BCKDHB: variants seen among roughly 807,000 people sequenced by gnomAD.
BCKDHB encodes 2-oxoisovalerate dehydrogenase subunit beta, mitochondrial.
In BCKDHB, 41 loss-of-function variants were observed where a neutral mutation model predicts 48.5. That is an observed-to-expected ratio of 0.85 (90% CI 0.66 to 1.10). The LOEUF (loss-of-function observed/expected upper bound fraction) is 1.10. Ranked by LOEUF, BCKDHB falls within the 50% of genes least tolerant of loss-of-function variation. The pLI is 0.00. For missense variants in BCKDHB, 496 were observed against 494.2 expected (o/e 1.00, Z -0.03); for synonymous variants, 201 against 174.8 (o/e 1.15, Z -1.18).
At chr6:80,377,157 C>T in the BCKDHB span, among the ~76,000 whole-genome samples, 1 of 151,746 alleles carries the variant, frequency 6.6e-6, no homozygotes, top group Non-Finnish European at 1.5e-5. Context: ...TCTCCCACCT[C>T]AGTCTTTCAA....
the BCKDHB span, among the ~76,000 whole-genome samples, chr6:80,457,382 C>G: frequency 6.6e-6 from 1 of 152,166 alleles, no homozygotes; most frequent in Non-Finnish European, 1.5e-5. Context: ...TCCCCTGCAG[C>G]TATTGCTTGA....
chr6:80,138,936 C>CT (rs1353573018), intron 3 of BCKDHB, among the ~76,000 whole-genome samples: 3 of 152,132 alleles, frequency 2.0e-5, no homozygotes, highest in African/African-American at 7.2e-5. Context: ...AAAAGTGTTC[C>CT]TATTTCTCCA....
At chr6:80,139,524 C>T (rs1298923330) in intron 3 of BCKDHB, among the ~76,000 whole-genome samples, 2 of 150,262 alleles carry the variant, frequency 1.3e-5, no homozygotes, top group South Asian at 2.1e-4. Flanking sequence ...CTACATATGG[C>T]TAGCCAGTTT....
intron 8 of BCKDHB, among the ~76,000 whole-genome samples, chr6:80,224,218 C>T (rs1341238716): frequency 6.6e-6 from 1 of 152,106 alleles, no homozygotes; most frequent in African/African-American, 2.4e-5. Flanking sequence ...CTCTAATGCT[C>T]CTTCCTTCCC....
the BCKDHB span, among the ~76,000 whole-genome samples, chr6:80,375,403 G>A: frequency 1.3e-5 from 2 of 152,024 alleles, no homozygotes; most frequent in African/African-American, 4.8e-5. Context: ...CCTTGTCTTT[G>A]AGCTCTTAAA....
chr6:80,355,015 TTG>T, the BCKDHB span, among the ~76,000 whole-genome samples: 1 of 152,214 alleles, frequency 6.6e-6, no homozygotes. Context: ...AGTTTTAGAA[TTG>T]TTTTTTCTAA....
intron 3 of BCKDHB, among the ~76,000 whole-genome samples, chr6:80,139,855 C>G (rs1771098049): frequency 6.6e-6 from 1 of 152,120 alleles, no homozygotes; most frequent in African/African-American, 2.4e-5. Context: ...TCATTGGTAG[C>G]TTGATGGGGA....
intron 8 of BCKDHB, among the ~76,000 whole-genome samples, chr6:80,233,255 T>G (rs74648629): frequency 0.037 from 5,609 of 152,238 alleles, 332 homozygotes; most frequent in African/African-American, 0.13. Flanking sequence ...TATTCAAAGG[T>G]TTGGATTTCT....
the BCKDHB span, among the ~76,000 whole-genome samples, chr6:80,385,535 C>T: frequency 6.6e-6 from 1 of 152,184 alleles, no homozygotes; most frequent in Non-Finnish European, 1.5e-5. Context: ...ATCCCCTCCC[C>T]AGCCCATGAT....
intron 7 of BCKDHB, among the ~76,000 whole-genome samples, chr6:80,201,783 A>G (rs1463708206): frequency 1.3e-5 from 2 of 151,952 alleles, no homozygotes; most frequent in African/African-American, 4.8e-5. Context: ...TATCTCTTCT[A>G]CTTTTCTCTC....
At chr6:80,114,007 C>T (rs1484361133) in intron 1 of BCKDHB, among the ~76,000 whole-genome samples, 2 of 152,116 alleles carry the variant, frequency 1.3e-5, no homozygotes, top group Admixed American at 6.5e-5. Context: ...GGGAGGGGAT[C>T]AATCAAAGGT....
chr6:80,186,076 G>A (rs745496132), intron 6 of BCKDHB, among the ~76,000 whole-genome samples: 1 of 152,146 alleles, frequency 6.6e-6, no homozygotes, highest in African/African-American at 2.4e-5. Context: ...GCCAGCTGTG[G>A]TAGTAGAAGG....
At chr6:80,132,075 A>G (rs1361187644) in intron 3 of BCKDHB, among the ~76,000 whole-genome samples, 2 of 151,982 alleles carry the variant, frequency 1.3e-5, no homozygotes, top group South Asian at 2.1e-4. Context: ...TTTTATTAAA[A>G]CTAATGTTGA....
chr6:80,209,742 A>G (rs138167229), intron 8 of BCKDHB, among the ~76,000 whole-genome samples: 39 of 152,188 alleles, frequency 2.6e-4, no homozygotes, highest in African/African-American at 8.4e-4. Flanking sequence ...GAATATGTTC[A>G]TGTGATCTTG....
chr6:80,288,532 T>C (rs1436108106), intron 9 of BCKDHB, among the ~76,000 whole-genome samples: 2 of 152,024 alleles, frequency 1.3e-5, no homozygotes, highest in Non-Finnish European at 2.9e-5. Flanking sequence ...CAAATAAATA[T>C]GACATTAAAT....
intron 3 of BCKDHB, among the ~76,000 whole-genome samples, chr6:80,150,609 T>C (rs1359774626): frequency 7.0e-6 from 1 of 142,468 alleles, no homozygotes; most frequent in African/African-American, 2.6e-5. Context: ...CAGGCTGGAG[T>C]GCAGTGGTGC....
At chr6:80,356,834 A>G in the BCKDHB span, 3 of 151,940 alleles carry the variant, frequency 2.0e-5, no homozygotes, top group Non-Finnish European at 4.4e-5. Context: ...AATCAATAAA[A>G]TATGGTATTT....
At chr6:80,402,227 C>T in the BCKDHB span, among the ~76,000 whole-genome samples, 1 of 151,760 alleles carries the variant, frequency 6.6e-6, no homozygotes, top group Non-Finnish European at 1.5e-5. Context: ...AATTTACATT[C>T]CTGCCAACAG....
chr6:80,370,320 A>C, the BCKDHB span, among the ~76,000 whole-genome samples: 1 of 152,190 alleles, frequency 6.6e-6, no homozygotes, highest in African/African-American at 2.4e-5. Context: ...GCATCCATCT[A>C]TTCAGAAGAC....
Sources: allele counts gnomAD v4.1 joint callset (sites outside exome capture counted in the v4.1 genomes callset), GRCh38; gene constraint gnomAD v4.1.1; transcripts MANE v1.5; gene names NCBI Gene and HGNC (gene_info 2026-07-23, HGNC 2026-07-21).